The following CSMD3 variants were observed in gnomAD, a reference collection of about 807,000 sequenced individuals.
CSMD3 encodes CUB and Sushi multiple domains 3.
A neutral mutation model predicts 435.2 loss-of-function variants in CSMD3; 177 were observed. That is an observed-to-expected ratio of 0.41 (90% confidence interval 0.36 to 0.46). The LOEUF is 0.46. Ranked by LOEUF, CSMD3 falls within the 20% of genes least tolerant of loss-of-function variation. The probability of loss-of-function intolerance (pLI) is 0.34; values close to 1 mark genes in which losing one functional copy is unlikely to be tolerated. For synonymous variants in CSMD3, 1,656 were observed against 1,520.5 expected (o/e 1.09, Z -2.07); for missense variants, 4,265 against 4,504.6 (o/e 0.95, Z 1.52).
chr8:112,383,162 T>C (rs1343652187), intron 37 of CSMD3, among the ~76,000 whole-genome samples: 1 of 152,176 alleles, frequency 6.6e-6, no homozygotes, highest in Non-Finnish European at 1.5e-5. Flanking sequence ...TTTATTCTCA[T>C]TTAACAGTAC....
chr8:112,679,669 T>C (rs2131768455), intron 16 of CSMD3, among the ~76,000 whole-genome samples: 1 of 152,300 alleles, frequency 6.6e-6, no homozygotes, highest in East Asian at 1.9e-4. Flanking sequence ...AAATTACTGA[T>C]TGACATTACT....
chr8:112,500,642 T>A (rs1198211608), intron 30 of CSMD3, among the ~76,000 whole-genome samples: 2 of 152,136 alleles, frequency 1.3e-5, no homozygotes, highest in East Asian at 3.9e-4. Context: ...AGGCAGATAG[T>A]AAGGTTTTCC....
chr8:112,410,790 G>T (rs1223413069), intron 32 of CSMD3, among the ~76,000 whole-genome samples: 4 of 147,244 alleles, frequency 2.7e-5, no homozygotes, highest in Non-Finnish European at 6.0e-5. Context: ...TCTCAAATAT[G>T]TCTTAAGAAG....
chr8:113,300,670 G>A (rs190528276), intron 2 of CSMD3, among the ~76,000 whole-genome samples: 2 of 152,094 alleles, frequency 1.3e-5, no homozygotes, highest in African/African-American at 4.8e-5. Flanking sequence ...GGGAACAATA[G>A]ATACTGGGAA....
At chr8:113,031,631 T>C (rs1246670585) in intron 5 of CSMD3, among the ~76,000 whole-genome samples, 1 of 151,624 alleles carries the variant, frequency 6.6e-6, no homozygotes. Context: ...TAAAATACAC[T>C]TGCACACTCA....
In CSMD3 at chr8:112,361,792, C is replaced by T. The variant is rs193224754; in HGVS notation, c.6137-9258G>A. ...CCTATGTATCTATTTATTGAAAATG[C>T]AGACCAAAAATATTGGTTTTGCATT... is the stretch of plus-strand genomic sequence containing the variant. On this transcript the variant is annotated intron_variant, in intron 38 of 70. Coordinates refer to ENST00000297405, the MANE Select transcript of CSMD3 (RefSeq NM_198123.2). Among the ~76,000 whole-genome samples, 983 of 151,088 alleles carry T rather than the reference C, an allele frequency of 6.5e-3. 2 individuals are homozygous for T. The highest frequency in any genetic ancestry group is 9.9e-3 in the Non-Finnish European group (671 of 67,518).
At chr8:113,219,610 G>T (rs932204745) in intron 3 of CSMD3, among the ~76,000 whole-genome samples, 4 of 151,060 alleles carry the variant, frequency 2.6e-5, no homozygotes, top group African/African-American at 9.7e-5. Flanking sequence ...TTTAGAAAAA[G>T]GTAAAATCAT....
At chr8:113,004,121 G>A (rs879267190) in intron 6 of CSMD3, among the ~76,000 whole-genome samples, 3 of 152,068 alleles carry the variant, frequency 2.0e-5, no homozygotes, top group Admixed American at 1.3e-4. Flanking sequence ...TTTCTATGAA[G>A]TTAAAAATGT....
chr8:113,152,398 T>C (rs1437716152), intron 4 of CSMD3, among the ~76,000 whole-genome samples: 2 of 151,988 alleles, frequency 1.3e-5, no homozygotes, highest in Admixed American at 6.6e-5. Context: ...GGGAGATGCA[T>C]AGAAATATGG....
intron 30 of CSMD3, among the ~76,000 whole-genome samples, chr8:112,498,039 T>C (rs1821546930): frequency 6.6e-6 from 1 of 152,090 alleles, no homozygotes; most frequent in Non-Finnish European, 1.5e-5. Flanking sequence ...GGAAGAAGGA[T>C]GTAGTTAATG....
At chr8:113,309,497 T>G (rs1588489185) in intron 2 of CSMD3, 1 of 152,330 alleles carries the variant, frequency 6.6e-6, no homozygotes, top group East Asian at 1.9e-4. Context: ...ACTTTTTTAT[T>G]ATCTGCCTCC....
chr8:113,216,282 G>A (rs749838411), intron 3 of CSMD3, among the ~76,000 whole-genome samples: 12 of 151,892 alleles, frequency 7.9e-5, no homozygotes, highest in Non-Finnish European at 1.5e-4. Context: ...CCATCTATCT[G>A]TTATGTACGC....
chr8:112,767,035 TA>T lies in CSMD3; in HGVS notation c.1972+33126del, dbSNP rs1339101308. ...CAGGGTTTAGCTTGTAGAAATGTAC[TA>T]TAAATGGTAGAGTAATCACTGATAA... On this transcript the variant is annotated intron_variant, in intron 13 of 70. Transcript: ENST00000297405. Among the ~76,000 whole-genome samples, 6 of 151,856 alleles carry T rather than the reference TA, an allele frequency of 4.0e-5. No homozygotes were observed. In the East Asian group the frequency reaches 9.6e-4, roughly 24 times the overall value.
chr8:113,260,154 T>A (rs1239192164), intron 3 of CSMD3, among the ~76,000 whole-genome samples: 1 of 152,128 alleles, frequency 6.6e-6, no homozygotes. Context: ...CTTTATAAGT[T>A]ACCCAGTCTC....
intron 31 of CSMD3, among the ~76,000 whole-genome samples, chr8:112,484,522 T>C (rs1262862125): frequency 6.6e-6 from 1 of 151,594 alleles, no homozygotes; most frequent in Non-Finnish European, 1.5e-5. Flanking sequence ...CACATATATA[T>C]ATATGGTCCA....
chr8:113,403,792 A>C (rs2094520670), intron 1 of CSMD3, among the ~76,000 whole-genome samples: 1 of 151,418 alleles, frequency 6.6e-6, no homozygotes, highest in Non-Finnish European at 1.5e-5. Context: ...GTGTGGCTAA[A>C]ATTAGAAGGC....
intron 67 of CSMD3, among the ~76,000 whole-genome samples, chr8:112,234,889 A>G (rs1181759214): frequency 6.6e-6 from 1 of 152,162 alleles, no homozygotes; most frequent in Non-Finnish European, 1.5e-5. Flanking sequence ...GAAAAACAGT[A>G]TTCTAGGTGC....
At chr8:113,300,210 G>A (rs990664838) in intron 2 of CSMD3, among the ~76,000 whole-genome samples, 4 of 149,616 alleles carry the variant, frequency 2.7e-5, no homozygotes, top group African/African-American at 9.8e-5. Context: ...CGAAGAAAAG[G>A]GAACACATAT....
intron 11 of CSMD3, among the ~76,000 whole-genome samples, chr8:112,830,013 C>T (rs1455936676): frequency 1.3e-5 from 2 of 151,826 alleles, no homozygotes; most frequent in Non-Finnish European, 2.9e-5. Context: ...TCAATCATAT[C>T]ATTACATGAC....
Sources: gnomAD v4.1 joint callset for allele counts (sites outside exome capture counted in the v4.1 genomes callset) on GRCh38, gnomAD v4.1.1 for gene constraint, MANE v1.5 for transcripts, NCBI Gene and HGNC (gene_info 2026-07-23, HGNC 2026-07-21) for gene names.